The following PCDHA6 variants were observed in gnomAD, a reference collection of about 807,000 sequenced individuals.
The protein encoded by PCDHA6 is protocadherin alpha 6.
PCDHA6 carries 55 observed loss-of-function variants against 60.3 expected under a neutral mutation model. That is an observed-to-expected ratio of 0.91 (90% confidence interval 0.73 to 1.14). The LOEUF (loss-of-function observed/expected upper bound fraction) is 1.14, where lower values mean the gene tolerates loss of function less well. Ranked by LOEUF, PCDHA6 falls within the 50% of genes most tolerant of loss-of-function variation. The pLI is 0.00. For missense variants in PCDHA6, 1,327 were observed against 1,256.5 expected (o/e 1.06, Z -0.85); for synonymous variants, 652 against 557.9 (o/e 1.17, Z -2.38).
At chr5:140,881,454 C>A in intron 1 of PCDHA6, 1 of 705,924 alleles carries the variant, frequency 1.4e-6, no homozygotes, top group Non-Finnish European at 1.7e-6. Context: ...AATCCAAAAC[C>A]TTAGAGCATT....
intron 3 of PCDHA6, among the ~76,000 whole-genome samples, chr5:140,997,793 T>G (rs2097785892): frequency 6.6e-6 from 1 of 152,112 alleles, no homozygotes; most frequent in Non-Finnish European, 1.5e-5. Context: ...ATATTATAAT[T>G]TATCCAATTT....
intron 1 of PCDHA6, among the ~76,000 whole-genome samples, chr5:140,960,080 A>G: frequency 6.6e-6 from 1 of 152,360 alleles, no homozygotes; most frequent in South Asian, 2.1e-4. Context: ...GAAGTTTCTA[A>G]AAGAGAAAGA....
chr5:140,849,830 G>T lies in PCDHA6; in HGVS notation c.2394+19345G>T. The T allele has an allele frequency of 1.3e-6, 2 of 1,598,574 alleles. 1 individual carries two copies. Among genetic ancestry groups the T allele is most frequent in the Admixed American group, 3.4e-5 (2 of 59,342 alleles). On this transcript the variant is annotated intron_variant, in intron 1 of 3. Coordinates refer to ENST00000529310, the MANE Select transcript of PCDHA6 (RefSeq NM_018909.4). ...CCACGGCCAGGGTGTCTGTGGAGGT[G>T]GCCGACGTGAACGACAACGCACCAG...
rs73793540 is a variant in PCDHA6, at chr5:140,959,705, G to T, written c.2395-19244G>T. 8.9e-3 allele frequency among the ~76,000 whole-genome samples: 1,358 copies of T among 152,238 alleles called. 14 individuals are homozygous for T. The highest frequency in any genetic ancestry group is 0.032 in the African/African-American group (1,312 of 41,544). On this transcript the variant is annotated intron_variant, in intron 1 of 3. Coordinates refer to ENST00000529310, the MANE Select transcript of PCDHA6 (RefSeq NM_018909.4). ...AATTTCAATAAAATGAGCTTTGAAA[G>T]GGAAAATTTTTAGATAACATTATCT...
Position 140,835,371 on chromosome 5 carries a change from C to G in PCDHA6, c.2394+4886C>G, listed in dbSNP as rs2150234593. On this transcript the variant is annotated intron_variant, in intron 1 of 3. Transcript: ENST00000529310. ...GGCTGTCGATAAAGGCTTCCCACCCCTGGCTGGTCATTGTACAGTTCTTGT... is the reference window on the plus strand; with the variant it reads ...GGCTGTCGATAAAGGCTTCCCACCCGTGGCTGGTCATTGTACAGTTCTTGT... The G allele has an allele frequency of 8.7e-6, 14 of 1,613,974 alleles. No homozygotes were observed. The highest frequency in any genetic ancestry group is 1.1e-5 in the Non-Finnish European group (13 of 1,179,870).
At chr5:140,838,663 T>C (rs1206585706) in intron 1 of PCDHA6, among the ~76,000 whole-genome samples, 3 of 152,036 alleles carry the variant, frequency 2.0e-5, no homozygotes, top group Admixed American at 1.3e-4. Flanking sequence ...TAACGGGGCA[T>C]GGTGGCACAC....
chr5:140,890,724 CT>C (rs2062771629), intron 1 of PCDHA6, among the ~76,000 whole-genome samples: 2 of 152,108 alleles, frequency 1.3e-5, no homozygotes, highest in African/African-American at 2.4e-5. Context: ...TTTTTAATCC[CT>C]TTTGACTTAT....
intron 3 of PCDHA6, among the ~76,000 whole-genome samples, chr5:141,001,813 G>A (rs782384459): frequency 2.6e-5 from 4 of 152,172 alleles, no homozygotes; most frequent in Non-Finnish European, 4.4e-5. Flanking sequence ...TCTACAATCG[G>A]CCAAATTCTG....
chr5:140,993,397 T>C (rs2097553822), intron 3 of PCDHA6, among the ~76,000 whole-genome samples: 2 of 151,682 alleles, frequency 1.3e-5, no homozygotes, highest in Admixed American at 1.3e-4. Context: ...ACTCCATCAT[T>C]AACCACCTTC....
chr5:140,837,058 T>C, intron 1 of PCDHA6: 1 of 190,160 alleles, frequency 5.3e-6, no homozygotes, highest in Non-Finnish European at 1.1e-5. Flanking sequence ...TACATTTCCA[T>C]ATTTTGATAA....
At chr5:140,870,557 A>G (rs1554164412) in intron 1 of PCDHA6, 5 of 1,613,906 alleles carry the variant, frequency 3.1e-6, no homozygotes, top group African/African-American at 2.7e-5. Context: ...GACGCGCAGG[A>G]GAACGCGCTG....
At chr5:140,984,730 T>C (rs956611464) in intron 3 of PCDHA6, among the ~76,000 whole-genome samples, 4 of 152,186 alleles carry the variant, frequency 2.6e-5, no homozygotes, top group Non-Finnish European at 4.4e-5. Context: ...ATTAAGATTA[T>C]GATTTAGAGT....
chr5:140,851,277 A>C (rs1190417685), intron 1 of PCDHA6: 1 of 1,055,236 alleles, frequency 9.5e-7, no homozygotes, highest in East Asian at 4.9e-5. Flanking sequence ...TGTATTGTTT[A>C]TAAGAAACCC....
At chr5:140,867,971 C>A (rs1230179778) in intron 1 of PCDHA6, 2 of 152,032 alleles carry the variant, frequency 1.3e-5, no homozygotes, top group Non-Finnish European at 2.9e-5. Flanking sequence ...ATTCTTTCAA[C>A]AAGAAACAAA....
intron 1 of PCDHA6, chr5:140,852,034 GT>G: frequency 1.1e-6 from 1 of 935,708 alleles, no homozygotes; most frequent in Non-Finnish European, 1.3e-6. Flanking sequence ...CGCTTATTGA[GT>G]TTTTGTTATG....
At chr5:140,916,967 G>T (rs1215722713) in intron 1 of PCDHA6, among the ~76,000 whole-genome samples, 1 of 152,194 alleles carries the variant, frequency 6.6e-6, no homozygotes, top group African/African-American at 2.4e-5. Flanking sequence ...TGACTGCTGG[G>T]ATGAGTGATT....
At chr5:140,915,840 G>A (rs1554197129) in intron 1 of PCDHA6, among the ~76,000 whole-genome samples, 1 of 152,142 alleles carries the variant, frequency 6.6e-6, no homozygotes, top group Admixed American at 6.5e-5. Context: ...AGATCAGCAG[G>A]GGGTGACACC....
intron 1 of PCDHA6, among the ~76,000 whole-genome samples, chr5:140,945,889 A>G (rs2093857848): frequency 6.6e-6 from 1 of 152,074 alleles, no homozygotes; most frequent in African/African-American, 2.4e-5. Flanking sequence ...CAAAGAAAAC[A>G]CAGTGGGAAA....
At chr5:140,877,390 G>C in intron 1 of PCDHA6, 1 of 1,613,986 alleles carries the variant, frequency 6.2e-7, no homozygotes, top group Non-Finnish European at 8.5e-7. Flanking sequence ...CCTGGATGAG[G>C]CGGACGCTCC....
Sources: allele counts gnomAD v4.1 joint callset (sites outside exome capture counted in the v4.1 genomes callset), GRCh38; gene constraint gnomAD v4.1.1; transcripts MANE v1.5; gene names NCBI Gene and HGNC (gene_info 2026-07-23, HGNC 2026-07-21).